Variants in RSF1 observed in about 807,000 individuals in gnomAD.
The protein encoded by RSF1 is HBV pX-associated protein 8.
A neutral mutation model predicts 145.2 loss-of-function variants in RSF1; 13 were observed. The ratio of observed to expected loss-of-function variants is 0.09; its 90% confidence interval spans 0.06 to 0.14. The LOEUF (loss-of-function observed/expected upper bound fraction) is 0.14. RSF1 is among the 10% of genes least tolerant of loss of function. The pLI is 1.00. For synonymous variants in RSF1, 577 were observed against 592.6 expected, an observed-to-expected ratio of 0.97 and a Z score of 0.38; for missense variants, 1,517 against 1,718.2, an observed-to-expected ratio of 0.88 and a Z score of 2.07.
At chr11:77,797,035 C>T (rs1175892173) in intron 1 of RSF1, among the ~76,000 whole-genome samples, 3 of 152,212 alleles carry the variant, frequency 2.0e-5, no homozygotes, top group Non-Finnish European at 4.4e-5. Flanking sequence ...GAAAAACATT[C>T]TATGCTCATG....
At chr11:77,807,103 A>G (rs1948685059) in intron 1 of RSF1, among the ~76,000 whole-genome samples, 1 of 152,140 alleles carries the variant, frequency 6.6e-6, no homozygotes, top group African/African-American at 2.4e-5. Flanking sequence ...ATCATTTATA[A>G]CTCCCAATCT....
chr11:77,725,816 A>C (rs759899164), intron 4 of RSF1, 117 bp from the exon 5 acceptor site: 1 of 730,682 alleles, frequency 1.4e-6, no homozygotes, highest in Non-Finnish European at 2.0e-6. Flanking sequence ...GAACATCAAA[A>C]ACACTGGTAC....
chr11:77,715,992 G>C (rs564488875), intron 5 of RSF1, among the ~76,000 whole-genome samples: 1 of 152,196 alleles, frequency 6.6e-6, no homozygotes, highest in African/African-American at 2.4e-5. Flanking sequence ...TAAGTTTCTA[G>C]AAATTGCCCA....
intron 1 of RSF1, among the ~76,000 whole-genome samples, chr11:77,771,578 T>C (rs1948286299): frequency 6.6e-6 from 1 of 152,096 alleles, no homozygotes; most frequent in Non-Finnish European, 1.5e-5. Context: ...TGCAGGAAAG[T>C]TTCAAGATTT....
chr11:77,685,214 T>G, intron 9 of RSF1, 55 bp from the exon 10 acceptor site: 1 of 1,046,730 alleles, frequency 9.6e-7, no homozygotes, highest in Non-Finnish European at 1.4e-6. Flanking sequence ...AAAACTGTTA[T>G]GTAAACATCA....
At position 77,701,748 on chromosome 11, in the gene RSF1, A is replaced by G; in HGVS notation, c.1481T>C (p.Ile494Thr). Residue 494 changes from isoleucine to threonine, a missense_variant, in exon 6 of 16, where the codon ATA (isoleucine) becomes ACA (threonine). Ile to Thr is a moderately conservative substitution (Grantham distance 89). Around this residue, in one of 12 missense-constraint regions of RSF1, gnomAD observed 579 missense variants for 553.5 expected, o/e 1.05. Transcript: ENST00000308488. Reference sequence around the variant, plus strand: ...AAGCTCACCTGTTTTCATACTTGTTATGACAGAATTTAAGGACTCTGTTCC... The same window carrying G: ...AAGCTCACCTGTTTTCATACTTGTTGTGACAGAATTTAAGGACTCTGTTCC... ...GNGTESLNSV[I>T]TSMKTGELEK... The G allele has an allele frequency of 6.2e-7, 1 of 1,613,782 alleles. No homozygotes were observed. Among genetic ancestry groups the G allele is most frequent in the Non-Finnish European group, 8.5e-7 (1 of 1,179,988 alleles).
At chr11:77,797,187 G>T (rs1948581070) in intron 1 of RSF1, among the ~76,000 whole-genome samples, 4 of 152,130 alleles carry the variant, frequency 2.6e-5, no homozygotes, top group Admixed American at 2.6e-4. Context: ...AACCAAAAAA[G>T]AGCCTGCATA....
chr11:77,836,703 C>T, the RSF1 span, among the ~76,000 whole-genome samples: 3 of 152,194 alleles, frequency 2.0e-5, no homozygotes, highest in Non-Finnish European at 4.4e-5. Context: ...CAGCGGCTTA[C>T]GCTTGTAATC....
chr11:77,834,041 A>G, the RSF1 span, among the ~76,000 whole-genome samples: 2 of 152,262 alleles, frequency 1.3e-5, no homozygotes, highest in African/African-American at 4.8e-5. Context: ...TATATTAAGT[A>G]AAGTTGTCAA....
In RSF1 at chr11:77,765,593, C is replaced by T. The variant is rs1245838974; in HGVS notation, c.188-904G>A. On this transcript the variant is annotated intron_variant, in intron 1 of 15. Coordinates refer to ENST00000308488, the MANE Select transcript of RSF1 (RefSeq NM_016578.4). ...ACTTTTAATCCCTCTTCTGTTGGAA[C>T]CTTCAAATATTTGAGGACTGCCGTA... Among the ~76,000 whole-genome samples, 2 of 152,194 alleles carry T rather than the reference C, an allele frequency of 1.3e-5. 1 individual carries two copies. Among genetic ancestry groups the T allele is most frequent in the South Asian group, 4.1e-4 (2 of 4,830 alleles).
At chr11:77,757,687 G>GA (rs889286346) in intron 2 of RSF1, among the ~76,000 whole-genome samples, 28 of 149,612 alleles carry the variant, frequency 1.9e-4, no homozygotes, top group African/African-American at 5.2e-4. Flanking sequence ...AAAAAAAGAA[G>GA]AAAAAAAAAG....
At chr11:77,681,169 A>C (rs564833982) in intron 11 of RSF1, among the ~76,000 whole-genome samples, 10 of 152,326 alleles carry the variant, frequency 6.6e-5, no homozygotes, top group African/African-American at 2.2e-4. Context: ...CCATGTATCT[A>C]TAGTCCCTTG....
At chr11:77,858,345 T>C in the RSF1 span, among the ~76,000 whole-genome samples, 1 of 141,374 alleles carries the variant, frequency 7.1e-6, no homozygotes, top group African/African-American at 2.7e-5. Context: ...CAAGGTTTAA[T>C]AGAGTGAAAA....
intron 4 of RSF1, among the ~76,000 whole-genome samples, chr11:77,728,950 G>A (rs1216491818): frequency 6.6e-6 from 1 of 152,000 alleles, no homozygotes; most frequent in Non-Finnish European, 1.5e-5. Flanking sequence ...AAGGAGAAGT[G>A]ATCAAATTCT....
chr11:77,832,991 GTGTGTGTA>G, the RSF1 span, among the ~76,000 whole-genome samples: 28 of 32,846 alleles, frequency 8.5e-4, 3 homozygotes, highest in African/African-American at 2.2e-3. Flanking sequence ...GTGTGTGTGT[GTGTGTGTA>G]TATATATATA....
intron 1 of RSF1, among the ~76,000 whole-genome samples, chr11:77,780,412 T>G (rs1276650354): frequency 1.3e-5 from 2 of 152,170 alleles, no homozygotes; most frequent in African/African-American, 4.8e-5. Flanking sequence ...GCCATCAACT[T>G]ACAGGTGGAC....
rs369187639 is a variant in RSF1 at position 77,672,121 on chromosome 11, G to A, written c.3672C>T (p.Asp1224=). ...QINYKEDSES[D]GSQKSLRRGK... ...CACGTCGCAAACTCTTCTGGGAACC[G>A]TCACTTTCTGAGTCTTCTTTGTAGT... Residue 1224 remains aspartate, a synonymous_variant, in exon 15 of 16, where the codon GAC becomes GAT. Coordinates refer to ENST00000308488, the MANE Select transcript of RSF1 (RefSeq NM_016578.4). 243 of 1,613,854 alleles carry A rather than the reference G, an allele frequency of 1.5e-4. No individual in the cohort carries two copies. Among genetic ancestry groups the A allele is most frequent in the Non-Finnish European group, 1.8e-4 (209 of 1,179,990 alleles).
At position 77,667,386 on chromosome 11, in the gene RSF1, T is replaced by G; in HGVS notation, c.3857A>C (p.Glu1286Ala). 6.2e-7 allele frequency: 1 copy of G among 1,614,056 alleles called. No homozygotes were observed. The highest frequency in any genetic ancestry group is 8.5e-7 in the Non-Finnish European group (1 of 1,180,014). The change falls in exon 16 of 16, where the codon GAG (glutamate) becomes GCG (alanine). Residue 1286 changes from glutamate (E) to alanine (A), a missense_variant. Coordinates refer to ENST00000308488, the MANE Select transcript of RSF1 (RefSeq NM_016578.4). ...TTTGCCTTCCTCTTCCTCCTCCTCCTCATCTGCTTCTGAATACTCGTCTGT... is the reference window on the plus strand; with the variant it reads ...TTTGCCTTCCTCTTCCTCCTCCTCCGCATCTGCTTCTGAATACTCGTCTGT... ...RSTDEYSEADEEEEEEEGKPS... is the reference protein window; with the variant it reads ...RSTDEYSEADAEEEEEEGKPS...
At chr11:77,788,101 C>T (rs932713596) in intron 1 of RSF1, among the ~76,000 whole-genome samples, 1 of 116,098 alleles carries the variant, frequency 8.6e-6, no homozygotes, top group African/African-American at 3.3e-5. Flanking sequence ...AAGATCACAC[C>T]ACTGTAGTCT....
Sources: allele counts gnomAD v4.1 joint callset (sites outside exome capture counted in the v4.1 genomes callset), GRCh38; gene constraint gnomAD v4.1.1; regional missense constraint gnomAD v4.1.1; transcripts MANE v1.5; gene names NCBI Gene and HGNC (gene_info 2026-07-23, HGNC 2026-07-21).